The following HLCS variants were observed in gnomAD, a reference collection of about 807,000 sequenced individuals.
HLCS encodes the protein biotin--protein ligase.
Under a neutral mutation model 75.0 loss-of-function variants are expected in HLCS, and 53 were observed. The ratio of observed to expected loss-of-function variants is 0.71; its 90% CI spans 0.57 to 0.89. The LOEUF is 0.89. Among genes scored for constraint, HLCS ranks in the 40% least tolerant of loss-of-function variants. HLCS has a pLI of 0.00. For missense variants in HLCS, 966 were observed against 1,074.0 expected (o/e 0.90, Z 1.41); for synonymous variants, 431 against 428.6 (o/e 1.01, Z -0.07).
At chr21:36,977,981 G>A (rs1432558889) in intron 1 of HLCS, among the ~76,000 whole-genome samples, 2 of 152,166 alleles carry the variant, frequency 1.3e-5, no homozygotes, top group Non-Finnish European at 2.9e-5. Flanking sequence ...ACACAAAGTC[G>A]GGGTGGGGAG....
rs149180062 is a variant in HLCS, at chr21:36,768,822, G to C, written c.1893-1537C>G. Among the ~76,000 whole-genome samples the C allele has an allele frequency of 4.3e-4, 66 of 152,334 alleles. No individual in the cohort carries two copies. The East Asian group carries it at 9.7e-3, about 22-fold the overall frequency. ...CAAGAAGAAAGCGTCCTTTTCTTGT[G>C]TTGGACCAGCAGAAAATCTAAGAAG... On this transcript the variant is annotated intron_variant, in intron 6 of 10. Transcript: ENST00000674895.
intron 2 of HLCS, among the ~76,000 whole-genome samples, chr21:36,943,106 T>G (rs2067223300): frequency 6.6e-6 from 1 of 152,116 alleles, no homozygotes; most frequent in East Asian, 1.9e-4. Flanking sequence ...ACTGGAACTC[T>G]AATACACTGC....
chr21:36,820,264 C>T (rs971700105), intron 6 of HLCS, among the ~76,000 whole-genome samples: 1 of 152,214 alleles, frequency 6.6e-6, no homozygotes, highest in Non-Finnish European at 1.5e-5. Flanking sequence ...GGCTGCACCT[C>T]TACAGAGCTG....
At chr21:36,981,549 G>A (rs1488730547) in intron 1 of HLCS, among the ~76,000 whole-genome samples, 1 of 151,860 alleles carries the variant, frequency 6.6e-6, no homozygotes, top group Admixed American at 6.6e-5. Flanking sequence ...ACAGGCGCCC[G>A]CCACCATGTC....
chr21:36,962,308 G>A (rs1260183900), intron 1 of HLCS, 138 bp from the exon 2 acceptor site: 1 of 498,106 alleles, frequency 2.0e-6, no homozygotes, highest in African/African-American at 2.0e-5. Context: ...TCCTCTGCAG[G>A]CCGCAGGAAC....
chr21:36,786,769 G>C (rs1298796859), intron 6 of HLCS, among the ~76,000 whole-genome samples: 1 of 152,216 alleles, frequency 6.6e-6, no homozygotes, highest in Non-Finnish European at 1.5e-5. Context: ...TGAATTAAAT[G>C]ACATATTAGC....
intron 1 of HLCS, among the ~76,000 whole-genome samples, chr21:36,965,862 C>T (rs560559392): frequency 5.9e-5 from 9 of 152,170 alleles, no homozygotes; most frequent in South Asian, 2.1e-4. Flanking sequence ...GTGACCCTCC[C>T]GCCTCACCCT....
At chr21:36,888,000 T>C (rs1163305924) in intron 6 of HLCS, among the ~76,000 whole-genome samples, 4 of 152,318 alleles carry the variant, frequency 2.6e-5, no homozygotes, top group Non-Finnish European at 1.5e-5. Context: ...AGGACAACAC[T>C]GTCAAGCTCA....
At chr21:36,964,823 C>G (rs1571701) in intron 1 of HLCS, among the ~76,000 whole-genome samples, 25,684 of 152,082 alleles carry the variant, frequency 0.17, 2,237 homozygotes, top group East Asian at 0.34. Flanking sequence ...TTTATATGTC[C>G]AAAATTTCTA....
Position 36,751,730 on chromosome 21 carries a change from A to G in HLCS, c.*2516T>C, listed in dbSNP as rs2089375131. ...GGGGGTGGGGACAGGAAGCCCAGTT[A>G]TTGCTGTGTTCTATTTTAGGGGGCA... On this transcript the variant is annotated 3_prime_UTR_variant, in exon 11 of 11. Transcript: ENST00000674895. 1 of 152,102 alleles carries G rather than the reference A, an allele frequency of 6.6e-6. No individual in the cohort carries two copies. The highest frequency in any genetic ancestry group is 2.4e-5 in the African/African-American group (1 of 41,398). 9.4% of individuals were successfully genotyped at this position (152,102 alleles called of 1,614,324 possible).
At chr21:36,947,191 A>G in intron 2 of HLCS, 2 of 238,346 alleles carry the variant, frequency 8.4e-6, no homozygotes, top group Non-Finnish European at 1.4e-5. Flanking sequence ...GTGTAAAAGG[A>G]GCCAATGATG....
At chr21:36,922,455 G>A (rs2066212956) in intron 5 of HLCS, among the ~76,000 whole-genome samples, 1 of 152,164 alleles carries the variant, frequency 6.6e-6, no homozygotes, top group Non-Finnish European at 1.5e-5. Flanking sequence ...GTAGTACCTG[G>A]ATAGCTGTGT....
At chr21:36,767,820 A>G (rs765891297) in intron 6 of HLCS, among the ~76,000 whole-genome samples, 2 of 152,218 alleles carry the variant, frequency 1.3e-5, no homozygotes, top group African/African-American at 2.4e-5. Context: ...TGATTTAACT[A>G]TGGTAAATAA....
chr21:36,807,026 C>T (rs1225027023), intron 6 of HLCS, among the ~76,000 whole-genome samples: 1 of 152,210 alleles, frequency 6.6e-6, no homozygotes, highest in African/African-American at 2.4e-5. Flanking sequence ...ACTCATAGCA[C>T]GTCAGCTTGC....
At chr21:36,952,196 C>T (rs559223442) in intron 2 of HLCS, among the ~76,000 whole-genome samples, 9 of 152,284 alleles carry the variant, frequency 5.9e-5, no homozygotes, top group Admixed American at 5.2e-4. Flanking sequence ...AGAACATACA[C>T]ACACAGATTC....
chr21:36,799,625 G>A (rs2061135243), intron 6 of HLCS, among the ~76,000 whole-genome samples: 1 of 152,176 alleles, frequency 6.6e-6, no homozygotes, highest in Non-Finnish European at 1.5e-5. Flanking sequence ...CATAGAGAAG[G>A]GAAGGGGCTG....
intron 5 of HLCS, among the ~76,000 whole-genome samples, chr21:36,902,284 C>G (rs1360370981): frequency 6.6e-6 from 1 of 152,132 alleles, no homozygotes; most frequent in Non-Finnish European, 1.5e-5. Context: ...AGGGGAGAAA[C>G]AGCAGCATTT....
At chr21:36,916,263 G>C (rs1368762793) in intron 5 of HLCS, among the ~76,000 whole-genome samples, 3 of 152,134 alleles carry the variant, frequency 2.0e-5, no homozygotes, top group African/African-American at 4.8e-5. Flanking sequence ...AATTTTCCTA[G>C]ATCAGAGGGG....
intron 6 of HLCS, among the ~76,000 whole-genome samples, chr21:36,896,400 CTT>C (rs760365992): frequency 1.8e-4 from 27 of 152,302 alleles, no homozygotes; most frequent in Admixed American, 5.9e-4. Context: ...ACCAAAAACA[CTT>C]TTCAAAATAC....
Sources: gnomAD v4.1 joint callset for allele counts (sites outside exome capture counted in the v4.1 genomes callset) on GRCh38, gnomAD v4.1.1 for gene constraint, MANE v1.5 for transcripts, NCBI Gene and HGNC (gene_info 2026-07-23, HGNC 2026-07-21) for gene names.